The following SETD1B variants were observed in gnomAD, a reference collection of about 807,000 sequenced individuals.
The protein encoded by SETD1B is SET domain containing 1B, histone lysine methyltransferase.
In SETD1B, 7 loss-of-function variants were observed where a neutral mutation model predicts 148.0. The observed-to-expected ratio is 0.05, with a 90% CI of 0.03 to 0.09. SETD1B has a LOEUF of 0.09. Ranked by LOEUF, SETD1B falls within the 10% of genes least tolerant of loss-of-function variation. The pLI, the probability that SETD1B is intolerant of heterozygous loss-of-function variation, is 1.00. For missense variants in SETD1B, 2,155 were observed against 2,729.9 expected (o/e 0.79, Z 4.69); for synonymous variants, 1,361 against 1,186.5 (o/e 1.15, Z -3.02).
chr12:121,817,078 A>G lies in SETD1B; in HGVS notation c.2761A>G (p.Arg921Gly). ...GTCGGGCGAGCACAAGGACGAGGAC[A>G]GGCCGAAGCCCAAGGACCGCATCGC... ...VKSGEHKDEDRPKPKDRIASC... is the reference protein window; with the variant it reads ...VKSGEHKDEDGPKPKDRIASC... The change falls in exon 8 of 17, where the codon AGG (arginine) becomes GGG (glycine). Residue 921 changes from arginine to glycine, a missense_variant. Coordinates refer to ENST00000604567, the MANE Select transcript of SETD1B (RefSeq NM_001353345.2). The surrounding 1 kb of genome is among the most constrained non-coding windows in gnomAD (Gnocchi z 8.1). 6.5e-7 allele frequency: 1 copy of G among 1,546,370 alleles called. No homozygotes were observed. The highest frequency in any genetic ancestry group is 8.7e-7 in the Non-Finnish European group (1 of 1,144,412).
chr12:121,793,780 G>T, the SETD1B span: 1 of 650,146 alleles, frequency 1.5e-6, no homozygotes, highest in Non-Finnish European at 2.4e-6. Context: ...CCCAGCCTCA[G>T]TTTCCTTTCT....
At position 121,817,575 on chromosome 12, in the gene SETD1B, G is replaced by A. The variant is rs765577048; in HGVS notation, c.3183G>A (p.Ser1061=). The change falls in exon 9 of 17, where the codon TCG becomes TCA. Residue 1061 remains serine, a synonymous_variant. Transcript: ENST00000604567. This position sits in a 1 kb window ranked among gnomAD's most constrained non-coding sequence, Gnocchi z 8.1. ...SSSGSSTTSP[S]SSASDKEEEQ... ...CGGGGTCCTCAACCACCTCACCCTC[G>A]TCCTCGGCCTCCGACAAGGAGGAGG... The A allele has an allele frequency of 6.4e-6, 10 of 1,551,246 alleles. No homozygotes were observed. The highest frequency in any genetic ancestry group is 1.4e-5 in the African/African-American group (1 of 73,046).
rs1266261262 is a variant in SETD1B, at chr12:121,810,713, C to A, written c.1768C>A (p.Leu590Ile). Residue 590 changes from leucine (L) to isoleucine (I), a missense_variant, in exon 6 of 17, where the codon CTT becomes ATT. This residue lies in a region of SETD1B where 295 missense variants were observed against 303.8 expected (regional missense o/e 0.97). Transcript: ENST00000604567. The surrounding 1 kb of genome is among the most constrained non-coding windows in gnomAD (Gnocchi z 7.6). ...SDEDEELDLG[L>I]GPRPPPEPGP... ...CGAGGACGAGGAGCTCGACCTGGGC[C>A]TTGGGCCTCGGCCTCCACCTGAGCC... 1 of 1,551,150 alleles carries A rather than the reference C, an allele frequency of 6.4e-7. No homozygotes were observed.
the SETD1B span, chr12:121,793,100 A>C: frequency 6.8e-7 from 1 of 1,465,580 alleles, no homozygotes; most frequent in African/African-American, 1.4e-5. Context: ...CGGGAGGGGA[A>C]ACCCTTCGGG....
chr12:121,801,815 A>G (rs1875379687), upstream of SETD1B: 1 of 152,188 alleles, frequency 6.6e-6, no homozygotes, highest in African/African-American at 2.4e-5. Context: ...TGCTCTGGAT[A>G]TAGCAATGGT....
In SETD1B at chr12:121,804,516, G is replaced by A. The variant is rs1875611557; in HGVS notation, c.-14-208G>A. On this transcript the variant is annotated intron_variant, in intron 1 of 16. Coordinates refer to ENST00000604567, the MANE Select transcript of SETD1B (RefSeq NM_001353345.2). The surrounding 1 kb of genome is among the most constrained non-coding windows in gnomAD (Gnocchi z 4.6). ...CCCTCGCTGCCGCCCCGAGACGGTG[G>A]CCGAGCGGGCGGGCGCGTAATTCTC... Among the ~76,000 whole-genome samples the A allele has an allele frequency of 6.6e-6, 1 of 150,984 alleles. No homozygotes were observed. The highest frequency in any genetic ancestry group is 2.4e-5 in the African/African-American group (1 of 41,178).
At position 121,827,998 on chromosome 12, in the gene SETD1B, G is replaced by T. The variant is rs1342519819; in HGVS notation, c.5655G>T (p.Arg1885=). The part of the protein sequence containing the change: ...DEGIGSSYMF[R]VDHDTIIDAT... ...GCATCGGGAGCAGCTACATGTTCCG[G>T]GTGGACCATGACACCATCATCGACG... The change falls in exon 16 of 17, where the codon CGG becomes CGT. Residue 1885 remains arginine (R), a synonymous_variant. Transcript: ENST00000604567. 5 of 1,552,004 alleles carry T rather than the reference G, an allele frequency of 3.2e-6. No individual in the cohort carries two copies. The highest frequency in any genetic ancestry group is 2.0e-5 in the Admixed American group (1 of 50,996).
At position 121,827,688 on chromosome 12, in the gene SETD1B, C is replaced by G; in HGVS notation, c.5469+38C>G. 1.9e-6 allele frequency: 3 copies of G among 1,551,588 alleles called. No individual in the cohort carries two copies. In the South Asian group the frequency reaches 3.6e-5, roughly 18 times the overall value. ...TTCACCCAGATCGCCGGGGTGGCGG[C>G]AGGACCTGAGACCGGGGCTCACCTC... is the stretch of plus-strand genomic sequence containing the variant. On this transcript the variant is annotated intron_variant, in intron 14 of 16. Coordinates refer to ENST00000604567, the MANE Select transcript of SETD1B (RefSeq NM_001353345.2).
rs563716036 is a variant in SETD1B, at chr12:121,813,069, C to G, written c.1891-1037C>G. Among the ~76,000 whole-genome samples the G allele has an allele frequency of 1.6e-4, 25 of 152,240 alleles. No individual in the cohort carries two copies. The South Asian group carries it at 4.8e-3, about 29-fold the overall frequency. On this transcript the variant is annotated intron_variant, in intron 6 of 16. Transcript: ENST00000604567. ...TTTACCCCTCACCACCGCCCTGGAT[C>G]CCAGCTGCAGCCCCGCACTGGGCAG...
At position 121,823,142 on chromosome 12, in the gene SETD1B, GC is replaced by G. The variant is rs2137579387; in HGVS notation, c.4567del (p.Arg1523GlyfsTer48). ...CCCCAATGAAGAGGAAGCCGGGCCG[GC>G]CCCGGCGATCCCCACCATCTATGCT... The part of the protein sequence containing the change: ...PPPMKRKPGR[P>X]RRSPPSMLSL... On this transcript the variant is annotated frameshift_variant, in exon 12 of 17. Coordinates refer to ENST00000604567, the MANE Select transcript of SETD1B (RefSeq NM_001353345.2). LOFTEE classifies it high-confidence loss of function. The G allele has an allele frequency of 1.3e-6, 2 of 1,538,382 alleles. No homozygotes were observed. The highest frequency in any genetic ancestry group is 2.5e-5 in the East Asian group (1 of 40,766).
chr12:121,800,115 T>C (rs1163168718), upstream of SETD1B: 5 of 151,774 alleles, frequency 3.3e-5, no homozygotes, highest in Admixed American at 6.5e-5. Flanking sequence ...AGTCAGAAGG[T>C]TCAACCCCGG....
Position 121,817,795 on chromosome 12 carries a change from C to A in SETD1B, c.3313-4C>A. ...ACCTGTCCCCACTCTTCCTTCTCCC[C>A]CAGGATGACGACGATGACGACAGTG... On this transcript the variant is annotated splice_polypyrimidine_tract_variant and splice_region_variant and intron_variant, in intron 9 of 16. Transcript: ENST00000604567. The surrounding 1 kb of genome is among the most constrained non-coding windows in gnomAD (Gnocchi z 8.1). The A allele has an allele frequency of 1.3e-6, 2 of 1,548,658 alleles. No homozygotes were observed. The highest frequency in any genetic ancestry group is 8.7e-7 in the Non-Finnish European group (1 of 1,145,370).
chr12:121,792,448 G>T, the SETD1B span, among the ~76,000 whole-genome samples: 2 of 152,186 alleles, frequency 1.3e-5, no homozygotes, highest in Non-Finnish European at 2.9e-5. Context: ...TAAACCACCC[G>T]TGGGGGCCTG....
At chr12:121,792,448 G>A in the SETD1B span, among the ~76,000 whole-genome samples, 21 of 152,304 alleles carry the variant, frequency 1.4e-4, 1 homozygote, top group East Asian at 3.7e-3. Flanking sequence ...TAAACCACCC[G>A]TGGGGGCCTG....
chr12:121,819,265 T>G lies in SETD1B; in HGVS notation c.3419-139T>G. 2.1e-6 allele frequency: 3 copies of G among 1,438,998 alleles called. 1 individual carries two copies. The South Asian group carries it at 4.1e-5, about 20-fold the overall frequency. The allele number at this position is 1,438,998 out of a possible 1,614,324, so 89.1% of individuals were successfully genotyped here. On this transcript the variant is annotated intron_variant, in intron 10 of 16. Coordinates refer to ENST00000604567, the MANE Select transcript of SETD1B (RefSeq NM_001353345.2). Reference sequence around the variant, plus strand: ...AAAAAAAGAAAAAAAAGACTCCTAGTGAACACATGCCCCACACACATATCT... The same window carrying G: ...AAAAAAAGAAAAAAAAGACTCCTAGGGAACACATGCCCCACACACATATCT...
chr12:121,820,061 T>C (rs950909018), intron 11 of SETD1B, among the ~76,000 whole-genome samples, 166 bp downstream of exon 11: 2 of 152,196 alleles, frequency 1.3e-5, no homozygotes, highest in Non-Finnish European at 2.9e-5. Context: ...GATGAGGTGT[T>C]GGGTGCCAGC....
chr12:121,795,223 C>G, the SETD1B span: 1 of 152,120 alleles, frequency 6.6e-6, no homozygotes, highest in Non-Finnish European at 1.5e-5. Flanking sequence ...AGGGTAATCT[C>G]CTGGGTCAAG....
the SETD1B span, among the ~76,000 whole-genome samples, chr12:121,790,694 G>C: frequency 6.6e-6 from 1 of 152,140 alleles, no homozygotes; most frequent in Admixed American, 6.5e-5. Flanking sequence ...GTCAGACTGT[G>C]AGGCTAGCCA....
chr12:121,793,683 CAAGAGG>C, the SETD1B span: 5 of 1,462,644 alleles, frequency 3.4e-6, no homozygotes, highest in Non-Finnish European at 4.5e-6. Flanking sequence ...CTAGCGGAGC[CAAGAGG>C]TCGGGGGCGG....
Sources: allele counts gnomAD v4.1 joint callset (sites outside exome capture counted in the v4.1 genomes callset), GRCh38; gene constraint gnomAD v4.1.1; regional missense constraint gnomAD v4.1.1; non-coding constraint Gnocchi (gnomAD v3.1); transcripts MANE v1.5; gene names NCBI Gene and HGNC (gene_info 2026-07-23, HGNC 2026-07-21).